The following GOLT1B variants were observed in gnomAD, a reference collection of about 807,000 sequenced individuals.
The protein encoded by GOLT1B is vesicle transport protein GOT1B.
In GOLT1B, 3 loss-of-function variants were observed where a neutral mutation model predicts 15.4. The observed-to-expected ratio is 0.19, with a 90% CI of 0.09 to 0.50. The LOEUF (loss-of-function observed/expected upper bound fraction) is 0.50. Ranked by LOEUF, GOLT1B falls within the 20% of genes least tolerant of loss-of-function variation. GOLT1B has a pLI of 0.97. For synonymous variants in GOLT1B, 65 were observed against 56.2 expected (o/e 1.16, Z -0.70); for missense variants, 145 against 160.4 (o/e 0.90, Z 0.52).
At position 21,515,778 on chromosome 12, in the gene GOLT1B, C is replaced by A. The variant is rs1444019305; in HGVS notation, c.*71C>A. ...AAAGTCATTTGAAGAATATTCAGCA[C>A]AAAATTAAATTACATGAAATAGCTT... On this transcript the variant is annotated 3_prime_UTR_variant, in exon 5 of 5. Transcript: ENST00000229314. The A allele has an allele frequency of 8.0e-6, 6 of 751,708 alleles. No individual in the cohort carries two copies. The highest frequency in any genetic ancestry group is 1.1e-5 in the Non-Finnish European group (5 of 436,150). The allele number at this position is 751,708 out of a possible 1,614,324, so 46.6% of individuals were successfully genotyped here. A position where few individuals can be genotyped will look rare whatever the true frequency, so the allele number is the denominator to read the frequency against.
intron 4 of GOLT1B, among the ~76,000 whole-genome samples, chr12:21,514,513 T>C (rs1315060343): frequency 2.6e-5 from 4 of 152,214 alleles, no homozygotes; most frequent in Admixed American, 2.6e-4. Context: ...GTGCTTTCTC[T>C]CCACTTAAAT....
At chr12:21,504,027 A>G (rs1943660376) in intron 1 of GOLT1B, among the ~76,000 whole-genome samples, 1 of 152,196 alleles carries the variant, frequency 6.6e-6, no homozygotes, top group South Asian at 2.1e-4. Context: ...CTGTTTTTCA[A>G]AGGGTATGGT....
chr12:21,504,079 T>C (rs920403618), intron 1 of GOLT1B, among the ~76,000 whole-genome samples: 2 of 152,220 alleles, frequency 1.3e-5, no homozygotes, highest in Non-Finnish European at 2.9e-5. Flanking sequence ...GAATAAGATA[T>C]CAAAATGCTA....
At chr12:21,504,430 G>T in intron 1 of GOLT1B, 1 of 423,352 alleles carries the variant, frequency 2.4e-6, no homozygotes, top group South Asian at 1.7e-5. Flanking sequence ...CAATGTCATT[G>T]CCAGTACCAG....
chr12:21,510,220 C>T (rs1488150340), intron 3 of GOLT1B, among the ~76,000 whole-genome samples: 2 of 152,072 alleles, frequency 1.3e-5, no homozygotes, highest in Non-Finnish European at 2.9e-5. Context: ...GAAGAAAACA[C>T]TAGAAGAGAC....
At chr12:21,513,644 G>C (rs1451726672) in intron 4 of GOLT1B, among the ~76,000 whole-genome samples, 5 of 151,824 alleles carry the variant, frequency 3.3e-5, no homozygotes, top group African/African-American at 1.2e-4. Context: ...AAAAAAAAAG[G>C]CTTCAGGCCA....
At chr12:21,503,233 T>C (rs1202886924) in intron 1 of GOLT1B, among the ~76,000 whole-genome samples, 1 of 152,254 alleles carries the variant, frequency 6.6e-6, no homozygotes, top group South Asian at 2.1e-4. Flanking sequence ...GTTAACCATG[T>C]GCTTTCATGT....
chr12:21,507,386 A>C, intron 2 of GOLT1B: 2 of 215,868 alleles, frequency 9.3e-6, no homozygotes, highest in South Asian at 6.4e-5. Context: ...ATATATTTCT[A>C]TGTTAATGGT....
In GOLT1B at chr12:21,508,484, T is replaced by C; in HGVS notation, c.219T>C (p.Gly73=). The change falls in exon 3 of 5, where the codon GGT becomes GGC. Residue 73 remains glycine, a synonymous_variant. Coordinates refer to ENST00000229314, the MANE Select transcript of GOLT1B (RefSeq NM_016072.5). The part of the protein sequence containing the change: ...HKMKATGFFL[G]GVFVVLIGWP... ...TGAAAGCTACAGGTTTTTTTCTGGG[T>C]GGTGTATTTGTAGTCCTTATTGGTT... is the stretch of plus-strand genomic sequence containing the variant. 1 of 1,586,560 alleles carries C rather than the reference T, an allele frequency of 6.3e-7. No individual in the cohort carries two copies. The highest frequency in any genetic ancestry group is 8.6e-7 in the Non-Finnish European group (1 of 1,156,116).
Position 21,515,768 on chromosome 12 carries a change from A to G in GOLT1B, c.*61A>G. 2.6e-6 allele frequency: 2 copies of G among 782,216 alleles called. No individual in the cohort carries two copies. The highest frequency in any genetic ancestry group is 4.4e-6 in the Non-Finnish European group (2 of 457,616). The allele number at this position is 782,216 out of a possible 1,614,324, so 48.5% of individuals were successfully genotyped here. On this transcript the variant is annotated 3_prime_UTR_variant, in exon 5 of 5. Coordinates refer to ENST00000229314, the MANE Select transcript of GOLT1B (RefSeq NM_016072.5). Reference sequence around the variant, plus strand: ...TGTTATTTATAAAGTCATTTGAAGAATATTCAGCACAAAATTAAATTACAT... The same window carrying G: ...TGTTATTTATAAAGTCATTTGAAGAGTATTCAGCACAAAATTAAATTACAT...
intron 1 of GOLT1B, among the ~76,000 whole-genome samples, chr12:21,504,929 A>G (rs1419143608): frequency 2.6e-5 from 4 of 152,148 alleles, no homozygotes; most frequent in African/African-American, 9.7e-5. Flanking sequence ...ATGTAACCAA[A>G]CACCTTTAAC....
At chr12:21,508,702 G>C in intron 3 of GOLT1B, 141 bp downstream of exon 3, 1 of 588,428 alleles carries the variant, frequency 1.7e-6, no homozygotes, top group Non-Finnish European at 2.9e-6. Flanking sequence ...TATAGATTTA[G>C]ATGAAGCAAC....
At chr12:21,504,659 A>T in intron 1 of GOLT1B, 1 of 465,576 alleles carries the variant, frequency 2.1e-6, no homozygotes, top group Admixed American at 2.3e-5. Flanking sequence ...TTACTGAATT[A>T]CCTCTAGGTC....
chr12:21,505,082 C>T (rs938067618), intron 1 of GOLT1B, among the ~76,000 whole-genome samples: 5 of 152,104 alleles, frequency 3.3e-5, no homozygotes, highest in Non-Finnish European at 7.4e-5. Context: ...CTTCAATTTC[C>T]TCCATCTTTA....
Position 21,518,155 on chromosome 12 carries a change from A to G in GOLT1B, c.*2448A>G, listed in dbSNP as rs374897103. On this transcript the variant is annotated 3_prime_UTR_variant, in exon 5 of 5. Coordinates refer to ENST00000229314, the MANE Select transcript of GOLT1B (RefSeq NM_016072.5). Reference sequence around the variant, plus strand: ...CCTCTCAATAAAAGGGTACTTTTCTATTAATTGGTGGTCAAGTATATCTGT... The same window carrying G: ...CCTCTCAATAAAAGGGTACTTTTCTGTTAATTGGTGGTCAAGTATATCTGT... The G allele has an allele frequency of 1.8e-4, 28 of 152,346 alleles. No homozygotes were observed. The East Asian group carries it at 2.3e-3, about 13-fold the overall frequency. The allele number at this position is 152,346 out of a possible 1,614,324, so 9.4% of individuals were successfully genotyped here. A position where few individuals can be genotyped will look rare whatever the true frequency, so the allele number is the denominator to read the frequency against.
chr12:21,507,598 GCAAAATTGTT>G (rs1487853892), intron 2 of GOLT1B, among the ~76,000 whole-genome samples: 1 of 151,726 alleles, frequency 6.6e-6, no homozygotes, highest in African/African-American at 2.4e-5. Flanking sequence ...ATAAAGAATA[GCAAAATTGTT>G]CAAAATTGAT....
In GOLT1B at chr12:21,512,287, T is replaced by C. The variant is rs560873124; in HGVS notation, c.297-8T>C. 11 of 1,439,050 alleles carry C rather than the reference T, an allele frequency of 7.6e-6. No homozygotes were observed. In the African/African-American group the frequency reaches 8.5e-5, roughly 11 times the overall value. 89.1% of individuals were successfully genotyped at this position (1,439,050 alleles called of 1,614,324 possible). ...AAATATTAAGAACCTTTTTTTTCCC[T>C]CTCCCAGGGGCTTCTTTCCTGTCGT... On this transcript the variant is annotated splice_polypyrimidine_tract_variant and splice_region_variant and intron_variant, in intron 3 of 4. Coordinates refer to ENST00000229314, the MANE Select transcript of GOLT1B (RefSeq NM_016072.5).
At chr12:21,503,048 C>T (rs1209058919) in intron 1 of GOLT1B, among the ~76,000 whole-genome samples, 2 of 152,230 alleles carry the variant, frequency 1.3e-5, no homozygotes, top group Non-Finnish European at 2.9e-5. Flanking sequence ...GGCTGTCTTC[C>T]CTCCTGAGGC....
In GOLT1B at chr12:21,517,790, A is replaced by C. The variant is rs1364431512; in HGVS notation, c.*2083A>C. ...AAATGTGAGTTTGGGACTGCCTGGC[A>C]ACATTTATATTTCTTATTCAGAACC... On this transcript the variant is annotated 3_prime_UTR_variant, in exon 5 of 5. Coordinates refer to ENST00000229314, the MANE Select transcript of GOLT1B (RefSeq NM_016072.5). 6 of 152,552 alleles carry C rather than the reference A, an allele frequency of 3.9e-5. No individual in the cohort carries two copies. In the East Asian group the frequency reaches 9.6e-4, roughly 24 times the overall value. The allele number at this position is 152,552 out of a possible 1,614,324, so 9.4% of individuals were successfully genotyped here.
Sources: gnomAD v4.1 joint callset for allele counts (sites outside exome capture counted in the v4.1 genomes callset) on GRCh38, gnomAD v4.1.1 for gene constraint, MANE v1.5 for transcripts, NCBI Gene and HGNC (gene_info 2026-07-23, HGNC 2026-07-21) for gene names.